The following FAM240B variants were observed in gnomAD, a reference collection of about 807,000 sequenced individuals.
The protein encoded by FAM240B is protein FAM240B.
chr9:38,713,834 T>G (rs1027413747), intron 1 of FAM240B, among the ~76,000 whole-genome samples: 1 of 152,240 alleles, frequency 6.6e-6, no homozygotes, highest in Non-Finnish European at 1.5e-5. Flanking sequence ...ATTCTTTGAA[T>G]TATTTTTTCT....
chr9:38,696,296 C>T (rs1164791224), intron 2 of FAM240B, among the ~76,000 whole-genome samples: 1 of 152,108 alleles, frequency 6.6e-6, no homozygotes, highest in Admixed American at 6.5e-5. Flanking sequence ...GTCTATTTTC[C>T]TCGGAGTGGC....
chr9:38,704,694 TC>T (rs1219168887), intron 1 of FAM240B, among the ~76,000 whole-genome samples: 1 of 152,170 alleles, frequency 6.6e-6, no homozygotes, highest in Non-Finnish European at 1.5e-5. Context: ...GCTCTTTCCA[TC>T]CTTCCTCACA....
intron 2 of FAM240B, among the ~76,000 whole-genome samples, chr9:38,702,139 G>A (rs1043200861): frequency 2.0e-5 from 3 of 152,168 alleles, no homozygotes; most frequent in Admixed American, 1.3e-4. Context: ...ACTGGGGGAC[G>A]GAAGATGGTG....
At chr9:38,719,407 A>C (rs374976627) in intron 1 of FAM240B, among the ~76,000 whole-genome samples, 6 of 152,188 alleles carry the variant, frequency 3.9e-5, no homozygotes, top group African/African-American at 9.7e-5. Flanking sequence ...GCTAGAACTC[A>C]CTTTTATAAT....
At chr9:38,718,595 G>A (rs1821334712) in intron 1 of FAM240B, among the ~76,000 whole-genome samples, 1 of 152,146 alleles carries the variant, frequency 6.6e-6, no homozygotes, top group African/African-American at 2.4e-5. Flanking sequence ...ATGAATTGAT[G>A]AGTCATGGCA....
intron 2 of FAM240B, among the ~76,000 whole-genome samples, chr9:38,702,212 G>T (rs950586565): frequency 6.6e-6 from 1 of 152,130 alleles, no homozygotes; most frequent in African/African-American, 2.4e-5. Flanking sequence ...GCTCTAACAT[G>T]AGACTCTTCT....
At chr9:38,703,524 A>G (rs1431391838) in intron 2 of FAM240B, among the ~76,000 whole-genome samples, 1 of 152,200 alleles carries the variant, frequency 6.6e-6, no homozygotes, top group Non-Finnish European at 1.5e-5. Flanking sequence ...AGAAACCCCA[A>G]TAAAGACTCT....
At chr9:38,713,451 C>T (rs947751518) in intron 1 of FAM240B, among the ~76,000 whole-genome samples, 4 of 120,718 alleles carry the variant, frequency 3.3e-5, no homozygotes, top group African/African-American at 1.3e-4. Flanking sequence ...GCACTCCAGC[C>T]TGGGCTACAG....
Position 38,698,746 on chromosome 9 carries a change from C to T in FAM240B, c.144-3877G>A, listed in dbSNP as rs78579479. 2.4e-4 allele frequency among the ~76,000 whole-genome samples: 37 copies of T among 152,270 alleles called. No homozygotes were observed. The East Asian group carries it at 6.4e-3, about 26-fold the overall frequency. ...GGAAAAAAAATAGGAATCTGGGGTT[C>T]ATAATATATTAATTCACTTTTCACA... On this transcript the variant is annotated intron_variant, in intron 2 of 2. Transcript: ENST00000637493.
At chr9:38,707,965 G>A (rs1287299326) in intron 1 of FAM240B, among the ~76,000 whole-genome samples, 1 of 152,086 alleles carries the variant, frequency 6.6e-6, no homozygotes, top group Non-Finnish European at 1.5e-5. Flanking sequence ...GGACTTAGGA[G>A]GGGACATGAA....
intron 2 of FAM240B, among the ~76,000 whole-genome samples, chr9:38,698,802 A>G (rs1821093070): frequency 1.3e-5 from 2 of 152,214 alleles, no homozygotes; most frequent in South Asian, 4.1e-4. Context: ...AATGGTAAGG[A>G]ATTCAGGCCT....
Position 38,694,623 on chromosome 9 carries a change from C to T in FAM240B, c.*153G>A. On this transcript the variant is annotated 3_prime_UTR_variant, in exon 3 of 3. Coordinates refer to ENST00000637493, the MANE Select transcript of FAM240B (RefSeq NM_001394922.1). ...TGAGCAGGATAATAACTCCCATTAGCACTGGGGGAGGTTTCACATGTAAAT... is the reference window on the plus strand; with the variant it reads ...TGAGCAGGATAATAACTCCCATTAGTACTGGGGGAGGTTTCACATGTAAAT... 2 of 394,578 alleles carry T rather than the reference C, an allele frequency of 5.1e-6. No individual in the cohort carries two copies. Among genetic ancestry groups the T allele is most frequent in the Non-Finnish European group, 8.9e-6 (2 of 224,022 alleles). 24.4% of individuals were successfully genotyped at this position (394,578 alleles called of 1,614,324 possible). A position where few individuals can be genotyped will look rare whatever the true frequency, so the allele number is the denominator to read the frequency against.
intron 1 of FAM240B, among the ~76,000 whole-genome samples, chr9:38,716,599 A>C (rs552695678): frequency 2.6e-5 from 4 of 152,258 alleles, no homozygotes; most frequent in Non-Finnish European, 5.9e-5. Context: ...AAAAGCAATT[A>C]CTTCTCTAGA....
Position 38,720,114 on chromosome 9 carries a change from A to G in FAM240B, c.-96T>C, listed in dbSNP as rs529056569. ...CTTGATTCCTCAGGTCCGGCTCAGG[A>G]AGGCCACAGATGCTGTCCTGAAATC... On this transcript the variant is annotated 5_prime_UTR_variant, in exon 1 of 3. Transcript: ENST00000637493. 50 of 152,340 alleles carry G rather than the reference A, an allele frequency of 3.3e-4. No individual in the cohort carries two copies. Among genetic ancestry groups the G allele is most frequent in the African/African-American group, 1.1e-3 (47 of 41,580 alleles). 9.4% of individuals were successfully genotyped at this position (152,340 alleles called of 1,614,324 possible).
intron 1 of FAM240B, among the ~76,000 whole-genome samples, chr9:38,708,561 G>C (rs1027152042): frequency 2.0e-5 from 3 of 152,184 alleles, no homozygotes; most frequent in African/African-American, 4.8e-5. Flanking sequence ...GACTTGCACT[G>C]TTGTGACTTT....
At chr9:38,707,621 A>T (rs1821205509) in intron 1 of FAM240B, among the ~76,000 whole-genome samples, 1 of 149,060 alleles carries the variant, frequency 6.7e-6, no homozygotes, top group African/African-American at 2.5e-5. Flanking sequence ...AACAAAAAAA[A>T]AAAACAAAAA....
At chr9:38,700,928 C>A (rs1821118659) in intron 2 of FAM240B, among the ~76,000 whole-genome samples, 1 of 152,224 alleles carries the variant, frequency 6.6e-6, no homozygotes, top group Non-Finnish European at 1.5e-5. Flanking sequence ...GCTTAACACA[C>A]TTCACCCAGC....
At chr9:38,715,385 A>C (rs201254152) in intron 1 of FAM240B, among the ~76,000 whole-genome samples, 3 of 152,254 alleles carry the variant, frequency 2.0e-5, no homozygotes, top group Non-Finnish European at 4.4e-5. Flanking sequence ...GTTTTGCCTG[A>C]CACAATAAGT....
rs553290821 is a variant in FAM240B, at chr9:38,712,474, A to G, written c.-4+7548T>C. 3.3e-5 allele frequency among the ~76,000 whole-genome samples: 5 copies of G among 152,352 alleles called. No individual in the cohort carries two copies. In the South Asian group the frequency reaches 1.0e-3, roughly 32 times the overall value. ...AGCAACCTGCATTGCAGACAGTACC[A>G]AATGCCATCTCATTTAATCCTCAGC... On this transcript the variant is annotated intron_variant, in intron 1 of 2. Coordinates refer to ENST00000637493, the MANE Select transcript of FAM240B (RefSeq NM_001394922.1).
Sources: gnomAD v4.1 joint callset for allele counts (sites outside exome capture counted in the v4.1 genomes callset) on GRCh38, gnomAD v4.1.1 for gene constraint, MANE v1.5 for transcripts, NCBI Gene and HGNC (gene_info 2026-07-23, HGNC 2026-07-21) for gene names.